The following LPAR6 variants were observed in gnomAD, a reference collection of about 807,000 sequenced individuals.
LPAR6 encodes the protein lysophosphatidic acid receptor 6.
A neutral mutation model predicts 22.0 loss-of-function variants in LPAR6; 17 were observed. The observed-to-expected ratio is 0.77, with a 90% CI of 0.53 to 1.16. The LOEUF is 1.16. Among genes scored for constraint, LPAR6 ranks in the 50% most tolerant of loss-of-function variants. The pLI, the probability that LPAR6 is intolerant of heterozygous loss-of-function variation, is 0.00. For missense variants in LPAR6, 384 were observed against 406.9 expected (o/e 0.94, Z 0.48); for synonymous variants, 136 against 139.8 (o/e 0.97, Z 0.19).
chr13:48,439,164 G>A (rs1394368419), intron 1 of LPAR6, among the ~76,000 whole-genome samples: 1 of 152,140 alleles, frequency 6.6e-6, no homozygotes, highest in Non-Finnish European at 1.5e-5. Flanking sequence ...TTGAATCACT[G>A]CTCCATCACT....
chr13:48,398,983 T>G (rs1279809830), intron 1 of LPAR6, among the ~76,000 whole-genome samples: 1 of 152,046 alleles, frequency 6.6e-6, no homozygotes, highest in African/African-American at 2.4e-5. Flanking sequence ...GGAAGAAGGA[T>G]TAAAAGAAGA....
intron 1 of LPAR6, among the ~76,000 whole-genome samples, chr13:48,391,836 C>G (rs1948613121): frequency 6.6e-6 from 1 of 152,034 alleles, no homozygotes; most frequent in South Asian, 2.1e-4. Context: ...TCAGGCTGGT[C>G]TCGAACTCCT....
intron 1 of LPAR6, among the ~76,000 whole-genome samples, chr13:48,434,178 G>A (rs566438884): frequency 4.5e-4 from 68 of 152,060 alleles, no homozygotes; most frequent in African/African-American, 1.6e-3. Context: ...CAGGCCTGGT[G>A]GCTCATGCCT....
At chr13:48,391,800 G>A (rs892214369) in intron 1 of LPAR6, among the ~76,000 whole-genome samples, 2 of 151,992 alleles carry the variant, frequency 1.3e-5, no homozygotes, top group African/African-American at 4.8e-5. Flanking sequence ...TATATTTTTA[G>A]TAGAGAAAGG....
upstream of LPAR6, chr13:48,429,642 C>T (rs116667191): frequency 2.3e-3 from 341 of 151,186 alleles, no homozygotes; most frequent in African/African-American, 7.9e-3. Flanking sequence ...CAAATGAATA[C>T]ACTTTTTGTG....
intron 1 of LPAR6, among the ~76,000 whole-genome samples, chr13:48,402,570 G>C (rs902161757): frequency 6.6e-6 from 1 of 151,636 alleles, no homozygotes; most frequent in African/African-American, 2.4e-5. Context: ...GTAGAGACGG[G>C]GTCTTGCTGT....
Position 48,403,718 on chromosome 13 carries a change from G to A in LPAR6, n.114+11982C>T, listed in dbSNP as rs564900069. ...GCCCAGTCACAAAGTTTCCAGTGTA[G>A]GGTCCAAGAATTTGTATTTCTGATA... is the stretch of plus-strand genomic sequence containing the variant. On this transcript the variant is annotated intron_variant and non_coding_transcript_variant, in intron 1 of 1. Coordinates refer to the LPAR6 transcript ENST00000462781. Among the ~76,000 whole-genome samples, 6 of 152,216 alleles carry A rather than the reference G, an allele frequency of 3.9e-5. No individual in the cohort carries two copies. The South Asian group carries it at 1.2e-3, about 32-fold the overall frequency.
intron 1 of LPAR6, among the ~76,000 whole-genome samples, chr13:48,444,221 A>C (rs1433975386): frequency 6.6e-6 from 1 of 152,170 alleles, no homozygotes; most frequent in Non-Finnish European, 1.5e-5. Context: ...GGAGCTGCTC[A>C]CAAAACTCAA....
At chr13:48,408,096 T>C (rs1948755709), downstream of LPAR6, among the ~76,000 whole-genome samples, 1 of 152,100 alleles carries the variant, frequency 6.6e-6, no homozygotes. Context: ...GTTTGCTCCA[T>C]TTTCTATTTT....
rs561142786 is a variant in LPAR6, at chr13:48,412,700, C to A, written c.-277G>T. ...CAAGGCTCAGTTAACTGACGAGCAA[C>A]CTTTAAAAAATACAGTCAACGAGTC... On this transcript the variant is annotated 5_prime_UTR_variant, in exon 1 of 1. Transcript: ENST00000620633. The A allele has an allele frequency of 8.3e-6, 4 of 481,048 alleles. No homozygotes were observed. In the South Asian group the frequency reaches 8.9e-5, roughly 11 times the overall value. 29.8% of individuals were successfully genotyped at this position (481,048 alleles called of 1,614,324 possible).
chr13:48,413,820 AT>A (rs1948860365), upstream of LPAR6, among the ~76,000 whole-genome samples: 1 of 152,204 alleles, frequency 6.6e-6, no homozygotes, highest in Non-Finnish European at 1.5e-5. Context: ...ACAAAATGAA[AT>A]TGCATCTTTT....
intron 1 of LPAR6, chr13:48,424,254 A>C (rs1456589745): frequency 6.6e-6 from 1 of 152,262 alleles, no homozygotes; most frequent in Non-Finnish European, 1.5e-5. Flanking sequence ...ATTCTAGACT[A>C]GTATTACCAT....
At chr13:48,438,754 AAAT>A (rs2138299438) in intron 1 of LPAR6, among the ~76,000 whole-genome samples, 1 of 152,316 alleles carries the variant, frequency 6.6e-6, no homozygotes, top group South Asian at 2.1e-4. Flanking sequence ...TGTGAGAATT[AAAT>A]AATATAAGTA....
chr13:48,407,330 T>C (rs966624605), downstream of LPAR6, among the ~76,000 whole-genome samples: 11 of 152,132 alleles, frequency 7.2e-5, no homozygotes, highest in African/African-American at 2.7e-4. Flanking sequence ...TTTTAAGAGG[T>C]TATTGTAGTA....
At chr13:48,435,893 T>A (rs1391018019) in intron 1 of LPAR6, among the ~76,000 whole-genome samples, 6 of 152,178 alleles carry the variant, frequency 3.9e-5, no homozygotes, top group Non-Finnish European at 2.9e-5. Context: ...GATGTAGAAT[T>A]TAAACTAATT....
downstream of LPAR6, among the ~76,000 whole-genome samples, chr13:48,406,088 A>G (rs1293735329): frequency 1.0e-5 from 1 of 97,600 alleles, no homozygotes; most frequent in African/African-American, 2.8e-5. Flanking sequence ...TATTACCACA[A>G]TAAATAACTC....
rs757994039 is a variant in LPAR6, at chr13:48,412,849, C to T, written c.-426G>A. 6.5e-5 allele frequency: 13 copies of T among 198,580 alleles called. No homozygotes were observed. The highest frequency in any genetic ancestry group is 1.2e-4 in the African/African-American group (5 of 41,824). 12.3% of individuals were successfully genotyped at this position (198,580 alleles called of 1,614,324 possible). On this transcript the variant is annotated 5_prime_UTR_variant, in exon 1 of 1. Coordinates refer to ENST00000620633, the MANE Select transcript of LPAR6 (RefSeq NM_001162498.3). The stretch of plus-strand genomic sequence containing the variant: ...CTCCAAAGTTAATGTTTCTTTATGC[C>T]TCAGAATGTTAAGCTTAAGTTATCA...
Position 48,436,804 on chromosome 13 carries a change from C to A in LPAR6, c.-1474+7749G>T, listed in dbSNP as rs561343732. On this transcript the variant is annotated intron_variant, in intron 1 of 6. Transcript: ENST00000378434. ...TATTTTCTATTCTAGTTTCCTCTTG[C>A]GAGGCAAAACAGTCTTAGAATTTAG... Among the ~76,000 whole-genome samples, 15 of 152,258 alleles carry A rather than the reference C, an allele frequency of 9.9e-5. 2 individuals are homozygous for A. The highest frequency in any genetic ancestry group is 3.4e-4 in the African/African-American group (14 of 41,536).
chr13:48,435,445 T>G (rs1363354061), intron 1 of LPAR6, among the ~76,000 whole-genome samples: 1 of 152,202 alleles, frequency 6.6e-6, no homozygotes, highest in Non-Finnish European at 1.5e-5. Flanking sequence ...TTTTGAGGGT[T>G]CTTTATATGT....
Sources: allele counts gnomAD v4.1 joint callset (sites outside exome capture counted in the v4.1 genomes callset), GRCh38; gene constraint gnomAD v4.1.1; transcripts MANE v1.5; gene names NCBI Gene and HGNC (gene_info 2026-07-23, HGNC 2026-07-21).